The following NUP188 variants were observed in gnomAD, a reference collection of about 807,000 sequenced individuals.
NUP188 encodes the protein nucleoporin 188.
Under a neutral mutation model 223.0 loss-of-function variants are expected in NUP188, and 97 were observed. The ratio of observed to expected loss-of-function variants is 0.43; its 90% confidence interval spans 0.37 to 0.51. NUP188 has a LOEUF of 0.51. Ranked by LOEUF, NUP188 falls within the 20% of genes least tolerant of loss-of-function variation. NUP188 has a pLI of 0.00. For synonymous variants in NUP188, 869 were observed against 828.0 expected (o/e 1.05, Z -0.85); for missense variants, 1,947 against 2,175.6 (o/e 0.89, Z 2.09).
chr9:128,964,379 T>C, intron 8 of NUP188: 1 of 253,328 alleles, frequency 3.9e-6, no homozygotes, highest in Non-Finnish European at 7.8e-6. Context: ...TTTTTTTTTT[T>C]GAGACAAGGT....
In NUP188 at chr9:128,993,702, T is replaced by A; in HGVS notation, c.3017+8T>A. On this transcript the variant is annotated splice_region_variant and intron_variant, in intron 27 of 43. Coordinates refer to ENST00000372577, the MANE Select transcript of NUP188 (RefSeq NM_015354.3). ...GCTGGTCCTCCGAACCAAGTAAGTCTGCCTCTGGGAGTAGTTTCATTGTTC... is the reference window on the plus strand; with the variant it reads ...GCTGGTCCTCCGAACCAAGTAAGTCAGCCTCTGGGAGTAGTTTCATTGTTC... 6.2e-7 allele frequency: 1 copy of A among 1,613,552 alleles called. No homozygotes were observed. The highest frequency in any genetic ancestry group is 8.5e-7 in the Non-Finnish European group (1 of 1,179,676).
At chr9:128,996,205 A>C (rs1191153295) in intron 30 of NUP188, among the ~76,000 whole-genome samples, 3 of 150,346 alleles carry the variant, frequency 2.0e-5, no homozygotes, top group African/African-American at 2.5e-5. Flanking sequence ...GCTGGAATGC[A>C]GTGGTGCGAT....
intron 7 of NUP188, 23 bp downstream of exon 7, chr9:128,958,917 C>T: frequency 6.7e-7 from 1 of 1,502,422 alleles, no homozygotes; most frequent in Non-Finnish European, 9.1e-7. Context: ...AGTCCTCTTG[C>T]TTCTCTTTAT....
rs554856847 is a variant in NUP188, at chr9:128,997,946, C to T, written c.3352-205C>T. The stretch of plus-strand genomic sequence containing the variant: ...GTGTTGGCCAGGATGGTCTTGATCT[C>T]CTGACCTCGTGATCCGCCCACCTCA... On this transcript the variant is annotated intron_variant, in intron 30 of 43. Coordinates refer to ENST00000372577, the MANE Select transcript of NUP188 (RefSeq NM_015354.3). Among the ~76,000 whole-genome samples the T allele has an allele frequency of 2.6e-5, 4 of 150,952 alleles. No individual in the cohort carries two copies. The East Asian group carries it at 7.9e-4, about 30-fold the overall frequency.
chr9:128,976,343 TAGAG>T (rs1487458762), intron 12 of NUP188, among the ~76,000 whole-genome samples: 42 of 152,280 alleles, frequency 2.8e-4, no homozygotes, highest in East Asian at 7.7e-4. Flanking sequence ...TTTTTATCAT[TAGAG>T]AGAAATGAGT....
Position 128,982,665 on chromosome 9 carries a change from G to A in NUP188, c.1633G>A (p.Glu545Lys), listed in dbSNP as rs745472691. The change falls in exon 16 of 44, where the codon GAG becomes AAG. Residue 545 changes from glutamate to lysine, a missense_variant. Physicochemically the swap from Glu to Lys is moderately conservative, Grantham distance 56. Around this residue, in one of 3 missense-constraint regions of NUP188, gnomAD observed 817 missense variants for 865.8 expected, o/e 0.94. Coordinates refer to ENST00000372577, the MANE Select transcript of NUP188 (RefSeq NM_015354.3). The part of the protein sequence containing the change: ...SYSSWTLFTC[E>K]IEMLLHVVST... ...TAGCAGCTGGACCCTCTTTACCTGCGAGATTGAAATGTTGCTTCATGTTGT... is the reference window on the plus strand; with the variant it reads ...TAGCAGCTGGACCCTCTTTACCTGCAAGATTGAAATGTTGCTTCATGTTGT... 4 of 1,613,970 alleles carry A rather than the reference G, an allele frequency of 2.5e-6. No individual in the cohort carries two copies. Among genetic ancestry groups the A allele is most frequent in the African/African-American group, 1.3e-5 (1 of 74,926 alleles).
At chr9:128,958,763 C>T in intron 6 of NUP188, 39 bp from the exon 7 acceptor site, 2 of 1,209,420 alleles carry the variant, frequency 1.7e-6, no homozygotes, top group South Asian at 1.5e-5. Context: ...TTCCTATGTG[C>T]AAAGGTGAGT....
Position 128,969,742 on chromosome 9 carries a change from C to T in NUP188, c.912+228C>T, listed in dbSNP as rs1588275761. On this transcript the variant is annotated intron_variant, in intron 10 of 43. Coordinates refer to ENST00000372577, the MANE Select transcript of NUP188 (RefSeq NM_015354.3). ...GGTCTTGGCTCACTGCAACTTCCAC[C>T]TCCTGGGTTCAAGTGATTCTTCTGC... Among the ~76,000 whole-genome samples, 2 of 152,284 alleles carry T rather than the reference C, an allele frequency of 1.3e-5. 1 individual carries two copies. Among genetic ancestry groups the T allele is most frequent in the Non-Finnish European group, 2.9e-5 (2 of 68,024 alleles).
chr9:128,985,339 A>G (rs1842318603), intron 20 of NUP188: 1 of 199,728 alleles, frequency 5.0e-6, no homozygotes, highest in African/African-American at 2.3e-5. Flanking sequence ...CCCAGTATAT[A>G]TACATGTGTG....
rs766451988 is a variant in NUP188 at position 129,006,578 on chromosome 9, C to T, written c.5150C>T (p.Ser1717Leu). 9.3e-6 allele frequency: 15 copies of T among 1,614,098 alleles called. No individual in the cohort carries two copies. The highest frequency in any genetic ancestry group is 3.3e-5 in the South Asian group (3 of 91,092). Residue 1717 changes from serine to leucine, a missense_variant, in exon 44 of 44, where the codon TCG becomes TTG. By Grantham distance (145) the Ser-to-Leu change is moderately radical. This residue lies in a region of NUP188 where 905 missense variants were observed against 990.6 expected (regional missense o/e 0.91). Transcript: ENST00000372577. ...PSSPATGVLP[S>L]PQGKSTSLSK... The stretch of plus-strand genomic sequence containing the variant: ...TCCCCTGCCACTGGTGTCCTCCCCT[C>T]GCCGCAGGGCAAGTCCACCTCTCTC...
At chr9:128,994,820 G>C in intron 28 of NUP188, 36 bp from the exon 29 acceptor site, 1 of 1,550,954 alleles carries the variant, frequency 6.4e-7, no homozygotes, top group Non-Finnish European at 8.9e-7. Flanking sequence ...TCAGTGATCA[G>C]AGATGTGATA....
intron 12 of NUP188, among the ~76,000 whole-genome samples, chr9:128,976,378 C>T (rs1213975778): frequency 6.6e-6 from 1 of 152,048 alleles, no homozygotes; most frequent in Non-Finnish European, 1.5e-5. Context: ...TTGAAAGACT[C>T]AATTTCTAGA....
In NUP188 at chr9:128,953,162, G is replaced by A. The variant is rs180764620; in HGVS notation, c.161+316G>A. ...TGTCTGTGTGAGTACTAATTGGTGG[G>A]AGATAGCAGTGAAGGATGATGCTAA... On this transcript the variant is annotated intron_variant, in intron 3 of 43. Transcript: ENST00000372577. Among the ~76,000 whole-genome samples, 22 of 152,274 alleles carry A rather than the reference G, an allele frequency of 1.4e-4. No individual in the cohort carries two copies. In the South Asian group the frequency reaches 3.9e-3, roughly 27 times the overall value.
At position 128,982,902 on chromosome 9, in the gene NUP188, A is replaced by G. The variant is rs1842276502; in HGVS notation, c.1670A>G (p.Asp557Gly). The G allele has an allele frequency of 1.2e-6, 2 of 1,614,180 alleles. No homozygotes were observed. Among genetic ancestry groups the G allele is most frequent in the Non-Finnish European group, 1.7e-6 (2 of 1,180,038 alleles). The change falls in exon 17 of 44, where the codon GAT (aspartate) becomes GGT (glycine). Residue 557 changes from aspartate (D) to glycine (G), a missense_variant and splice_region_variant. Transcript: ENST00000372577. Reference protein sequence around the residue: ...EMLLHVVSTADVIQHCQRVKP... With the variant: ...EMLLHVVSTAGVIQHCQRVKP... The stretch of plus-strand genomic sequence containing the variant: ...GGTCACAGGCTGTCTTTCTTCTCAG[A>G]TGTGATTCAGCACTGCCAGCGAGTC...
chr9:128,977,698 C>G (rs1299133185), intron 12 of NUP188, among the ~76,000 whole-genome samples: 2 of 151,838 alleles, frequency 1.3e-5, no homozygotes, highest in Non-Finnish European at 2.9e-5. Flanking sequence ...ACTCGGGATG[C>G]TGAGGCAGGA....
intron 24 of NUP188, among the ~76,000 whole-genome samples, chr9:128,989,114 C>T (rs1416686297): frequency 2.0e-5 from 3 of 151,780 alleles, no homozygotes; most frequent in African/African-American, 4.8e-5. Context: ...TAATAAAGGG[C>T]TGGGCATGGT....
Position 129,006,810 on chromosome 9 carries a change from G to A in NUP188, c.*132G>A, listed in dbSNP as rs1414119409. The A allele has an allele frequency of 5.4e-5, 48 of 896,342 alleles. No individual in the cohort carries two copies. The highest frequency in any genetic ancestry group is 3.6e-4 in the Middle Eastern group (1 of 2,800). The allele number at this position is 896,342 out of a possible 1,614,324, so 55.5% of individuals were successfully genotyped here. On this transcript the variant is annotated 3_prime_UTR_variant, in exon 44 of 44. Transcript: ENST00000372577. ...GTCACCCCCCTCCCGGAGTAGCCAC[G>A]ACTCCAGCCACCACCCACTGACGTT...
chr9:128,958,179 A>G, intron 6 of NUP188, 125 bp downstream of exon 6: 1 of 697,476 alleles, frequency 1.4e-6, no homozygotes. Flanking sequence ...TTTATGAAGA[A>G]GCATATTAAC....
In NUP188 at chr9:128,995,478, C is replaced by T. The variant is rs747684110; in HGVS notation, c.3315C>T (p.Ser1105=). Residue 1105 remains serine (S), a synonymous_variant, in exon 30 of 44, where the codon TCC becomes TCT. Coordinates refer to ENST00000372577, the MANE Select transcript of NUP188 (RefSeq NM_015354.3). The stretch of plus-strand genomic sequence containing the variant: ...TGTTAGAGTACCAGATGCTGGTGTC[C>T]GCCTGGAGGATGCTTCTCATCATTG... The part of the protein sequence containing the change: ...TSLLEYQMLV[S]AWRMLLIIAT... 1.4e-5 allele frequency: 22 copies of T among 1,607,426 alleles called. No homozygotes were observed. Among genetic ancestry groups the T allele is most frequent in the East Asian group, 2.2e-5 (1 of 44,838 alleles).
Sources: allele counts gnomAD v4.1 joint callset (sites outside exome capture counted in the v4.1 genomes callset), GRCh38; gene constraint gnomAD v4.1.1; regional missense constraint gnomAD v4.1.1; transcripts MANE v1.5; gene names NCBI Gene and HGNC (gene_info 2026-07-23, HGNC 2026-07-21).